Variants in PRSS23 observed in about 807,000 individuals in gnomAD.
PRSS23 encodes protease, serine 23.
PRSS23 carries 25 observed loss-of-function variants against 34.7 expected under a neutral mutation model. That is an observed-to-expected ratio of 0.72 (90% CI 0.53 to 1.01). The LOEUF is 1.01. Among genes scored for constraint, PRSS23 ranks in the 50% least tolerant of loss-of-function variants. The pLI is 0.00. For missense variants in PRSS23, 445 were observed against 475.6 expected (o/e 0.94, Z 0.60); for synonymous variants, 176 against 186.6 (o/e 0.94, Z 0.46).
chr11:86,939,415 T>TAC (rs1374136615), intron 2 of PRSS23, among the ~76,000 whole-genome samples: 6 of 85,644 alleles, frequency 7.0e-5, no homozygotes, highest in Non-Finnish European at 1.7e-4. Flanking sequence ...TATATATATA[T>TAC]ATATATATAT....
At chr11:86,863,144 G>A (rs1468792934) in intron 2 of PRSS23, among the ~76,000 whole-genome samples, 2 of 151,718 alleles carry the variant, frequency 1.3e-5, no homozygotes, top group African/African-American at 2.4e-5. Context: ...AAGTAGATAC[G>A]ACTCCTAATA....
chr11:86,900,103 G>A (rs1948901579), intron 2 of PRSS23, among the ~76,000 whole-genome samples: 1 of 152,204 alleles, frequency 6.6e-6, no homozygotes, highest in African/African-American at 2.4e-5. Context: ...GGACCTGAAG[G>A]ACATGTTTCC....
intron 2 of PRSS23, among the ~76,000 whole-genome samples, chr11:86,825,372 G>A (rs1172606274): frequency 3.9e-5 from 6 of 152,050 alleles, no homozygotes; most frequent in Admixed American, 1.3e-4. Flanking sequence ...TGTAGATTCC[G>A]GATATTAGCC....
chr11:86,900,470 A>T (rs568291114), intron 2 of PRSS23, among the ~76,000 whole-genome samples: 1 of 152,308 alleles, frequency 6.6e-6, no homozygotes, highest in East Asian at 1.9e-4. Flanking sequence ...TAAGCAGATC[A>T]TACTACTTTT....
intron 2 of PRSS23, among the ~76,000 whole-genome samples, chr11:86,917,046 G>A (rs541910005): frequency 7.2e-5 from 11 of 152,194 alleles, no homozygotes; most frequent in Non-Finnish European, 1.3e-4. Context: ...GGAGCCGGGC[G>A]CGGTCGCTCA....
In PRSS23 at chr11:86,889,934, T is replaced by G. The variant is rs542889164; in HGVS notation, c.207-61282T>G. Among the ~76,000 whole-genome samples the G allele has an allele frequency of 2.4e-4, 36 of 152,316 alleles. No homozygotes were observed. In the South Asian group the frequency reaches 3.7e-3, roughly 16 times the overall value. ...TCGACCCTAGAGATTCAAATTTAAC[T>G]GATCTGGTGTGGGACCTGGAAATCC... On this transcript the variant is annotated intron_variant, in intron 2 of 2. Transcript: ENST00000533902.
intron 2 of PRSS23, among the ~76,000 whole-genome samples, chr11:86,851,779 C>G (rs1948531567): frequency 6.6e-6 from 1 of 152,164 alleles, no homozygotes; most frequent in African/African-American, 2.4e-5. Flanking sequence ...TTCTTGGTGC[C>G]ATGGTATCTG....
chr11:86,852,948 G>T (rs113030001), intron 2 of PRSS23, among the ~76,000 whole-genome samples: 2,410 of 152,230 alleles, frequency 0.016, 63 homozygotes, highest in African/African-American at 0.055. Context: ...CCACATCGTG[G>T]GTTCAAGCGA....
intron 2 of PRSS23, among the ~76,000 whole-genome samples, chr11:86,915,567 A>G (rs1054335973): frequency 6.7e-6 from 1 of 148,246 alleles, no homozygotes; most frequent in Non-Finnish European, 1.5e-5. Context: ...AAACTAATAT[A>G]TAATGTATAT....
Position 86,878,677 on chromosome 11 carries a change from G to A in PRSS23, c.206+55084G>A, listed in dbSNP as rs140274791. ...GTGCCGAGATTGCAGCCTCTGCCCG[G>A]CTGCCACCCCGTCTGGGAAGTGAGG... On this transcript the variant is annotated intron_variant, in intron 2 of 2. Coordinates refer to the PRSS23 transcript ENST00000533902. 6.5e-3 allele frequency among the ~76,000 whole-genome samples: 996 copies of A among 152,124 alleles called. 6 individuals are homozygous for A. Among genetic ancestry groups the A allele is most frequent in the Non-Finnish European group, 9.4e-3 (639 of 67,996 alleles).
intron 2 of PRSS23, among the ~76,000 whole-genome samples, chr11:86,916,005 A>G (rs1949010386): frequency 6.6e-6 from 1 of 151,950 alleles, no homozygotes; most frequent in African/African-American, 2.4e-5. Context: ...CAGTGAGCCG[A>G]GATCACACCA....
At chr11:86,916,045 A>G (rs1949010647) in intron 2 of PRSS23, among the ~76,000 whole-genome samples, 1 of 152,170 alleles carries the variant, frequency 6.6e-6, no homozygotes, top group South Asian at 2.1e-4. Context: ...ACAGAGCAGG[A>G]CTCTGTCTCA....
downstream of PRSS23, among the ~76,000 whole-genome samples, chr11:86,815,045 A>G (rs1368441072): frequency 1.3e-5 from 2 of 152,222 alleles, no homozygotes; most frequent in East Asian, 1.9e-4. Flanking sequence ...AGAAGCGTCA[A>G]GTTCCAATCC....
intron 1 of PRSS23, among the ~76,000 whole-genome samples, chr11:86,817,276 G>T (rs893759260): frequency 6.6e-6 from 1 of 151,998 alleles, no homozygotes; most frequent in Non-Finnish European, 1.5e-5. Flanking sequence ...GTTCCTTTTA[G>T]ATACTGTTTT....
chr11:86,948,127 A>G (rs2135034950), intron 2 of PRSS23: 1 of 152,324 alleles, frequency 6.6e-6, no homozygotes, highest in East Asian at 1.9e-4. Flanking sequence ...ACCACCTGTA[A>G]CTGACTTGGA....
intron 2 of PRSS23, chr11:86,832,855 A>G (rs1948370766): frequency 3.2e-6 from 1 of 315,616 alleles, no homozygotes; most frequent in South Asian, 2.9e-5. Context: ...CAGCAAGGAA[A>G]TACATGACTA....
intron 2 of PRSS23, among the ~76,000 whole-genome samples, chr11:86,824,976 G>C (rs888678598): frequency 2.0e-5 from 3 of 151,912 alleles, no homozygotes; most frequent in Non-Finnish European, 2.9e-5. Flanking sequence ...ATGATTTATA[G>C]TCCTTTGGGT....
intron 1 of PRSS23, chr11:86,821,406 A>G (rs1324007763): frequency 7.0e-7 from 1 of 1,421,112 alleles, no homozygotes; most frequent in African/African-American, 1.4e-5. Context: ...CTGGGAAAAC[A>G]TTGATTGCTC....
At chr11:86,926,356 T>C (rs2156173) in intron 2 of PRSS23, among the ~76,000 whole-genome samples, 94,251 of 151,918 alleles carry the variant, frequency 0.62, 29,860 homozygotes, top group Non-Finnish European at 0.69. Context: ...AGAACGAGAC[T>C]GCATCTCACA....
Sources: gnomAD v4.1 joint callset for allele counts (sites outside exome capture counted in the v4.1 genomes callset) on GRCh38, gnomAD v4.1.1 for gene constraint, MANE v1.5 for transcripts, NCBI Gene and HGNC (gene_info 2026-07-23, HGNC 2026-07-21) for gene names.